The following SUGCT variants were observed in gnomAD, a reference collection of about 807,000 sequenced individuals.
SUGCT encodes succinyl-CoA:glutarate CoA-transferase.
In SUGCT, 41 loss-of-function variants were observed where a neutral mutation model predicts 55.0. The ratio of observed to expected loss-of-function variants is 0.74; its 90% confidence interval spans 0.58 to 0.97. The LOEUF is 0.97. Ranked by LOEUF, SUGCT falls within the 50% of genes least tolerant of loss-of-function variation. SUGCT has a pLI of 0.00. For missense variants in SUGCT, 568 were observed against 547.8 expected, an observed-to-expected ratio of 1.04 and a Z score of -0.37; for synonymous variants, 187 against 200.4, an observed-to-expected ratio of 0.93 and a Z score of 0.56.
At chr7:40,485,647 G>T (rs1419567065) in intron 11 of SUGCT, among the ~76,000 whole-genome samples, 1 of 151,784 alleles carries the variant, frequency 6.6e-6, no homozygotes. Context: ...AAACTCCTAA[G>T]CTCAAGGGAT....
chr7:40,854,030 CAAAT>C (rs919047397), intron 13 of SUGCT, among the ~76,000 whole-genome samples: 2 of 152,190 alleles, frequency 1.3e-5, no homozygotes, highest in Admixed American at 6.5e-5. Context: ...ATGTGCTACT[CAAAT>C]GAATGTTCTT....
intron 9 of SUGCT, among the ~76,000 whole-genome samples, chr7:40,355,441 T>C (rs1236456526): frequency 3.9e-5 from 6 of 152,244 alleles, no homozygotes; most frequent in Non-Finnish European, 7.3e-5. Flanking sequence ...ATTAACCATA[T>C]ATGCTCCTTA....
chr7:40,322,584 C>T (rs1172925267), intron 9 of SUGCT, among the ~76,000 whole-genome samples: 1 of 152,152 alleles, frequency 6.6e-6, no homozygotes, highest in Non-Finnish European at 1.5e-5. Flanking sequence ...ACCACAACTC[C>T]TTCAGCTATA....
intron 9 of SUGCT, among the ~76,000 whole-genome samples, chr7:40,358,717 A>AAACAACAAC (rs71560193): frequency 0.091 from 13,733 of 150,656 alleles, 700 homozygotes; most frequent in African/African-American, 0.15. Context: ...TCCATCTCAA[A>AAACAACAAC]AACAACAACA....
At chr7:40,194,580 G>C (rs547988584) in intron 5 of SUGCT, among the ~76,000 whole-genome samples, 71 of 152,308 alleles carry the variant, frequency 4.7e-4, no homozygotes, top group African/African-American at 1.6e-3. Context: ...TAGTTTTCTT[G>C]TAAAGGTTTA....
intron 13 of SUGCT, among the ~76,000 whole-genome samples, chr7:40,766,826 A>G (rs906129610): frequency 1.3e-5 from 2 of 152,202 alleles, no homozygotes; most frequent in Non-Finnish European, 2.9e-5. Context: ...TCCAAGTCAA[A>G]TACTTTAAGT....
intron 7 of SUGCT, among the ~76,000 whole-genome samples, chr7:40,270,416 C>T (rs542709100): frequency 6.6e-6 from 1 of 151,822 alleles, no homozygotes; most frequent in African/African-American, 2.4e-5. Flanking sequence ...ATTTTTGGTC[C>T]ATTTAGAGTC....
intron 12 of SUGCT, among the ~76,000 whole-genome samples, chr7:40,627,397 G>T (rs551252656): frequency 1.5e-3 from 228 of 152,278 alleles, no homozygotes; most frequent in Non-Finnish European, 2.7e-3. Flanking sequence ...CCCACAATCA[G>T]TCTGATTGGT....
intron 9 of SUGCT, among the ~76,000 whole-genome samples, chr7:40,439,068 A>ATATATATGTG (rs1788343658): frequency 8.7e-5 from 3 of 34,456 alleles, no homozygotes; most frequent in African/African-American, 4.0e-4. Context: ...TATGGTGTAT[A>ATATATATGTG]TATATATATA....
chr7:40,695,408 G>C (rs1049653630), intron 12 of SUGCT, among the ~76,000 whole-genome samples: 4 of 151,846 alleles, frequency 2.6e-5, no homozygotes, highest in Non-Finnish European at 5.9e-5. Flanking sequence ...ATGTTGCCCA[G>C]GCTGGTCTCG....
intron 13 of SUGCT, among the ~76,000 whole-genome samples, chr7:40,787,503 G>GAGATA (rs1790072186): frequency 6.6e-6 from 1 of 151,650 alleles, no homozygotes; most frequent in South Asian, 2.1e-4. Context: ...GTAGATATTG[G>GAGATA]AGATAAATGT....
At chr7:40,855,287 G>T (rs1388557788) in intron 13 of SUGCT, among the ~76,000 whole-genome samples, 3 of 149,412 alleles carry the variant, frequency 2.0e-5, no homozygotes, top group Admixed American at 6.7e-5. Context: ...AAAAAGAAAA[G>T]AAAAGAAAAG....
At chr7:40,143,227 G>T (rs972746615) in intron 1 of SUGCT, among the ~76,000 whole-genome samples, 3 of 152,168 alleles carry the variant, frequency 2.0e-5, no homozygotes, top group Non-Finnish European at 2.9e-5. Context: ...CCATACATCC[G>T]CTTAGGGATG....
intron 12 of SUGCT, among the ~76,000 whole-genome samples, chr7:40,670,057 C>T (rs1025354137): frequency 4.7e-5 from 7 of 150,108 alleles, no homozygotes; most frequent in African/African-American, 1.7e-4. Context: ...AGAAAAATAA[C>T]ACCTTTCCTA....
intron 12 of SUGCT, among the ~76,000 whole-genome samples, chr7:40,629,655 G>A (rs1001034734): frequency 6.6e-6 from 1 of 152,116 alleles, no homozygotes; most frequent in Non-Finnish European, 1.5e-5. Context: ...TTGAGAAGGG[G>A]CCAGGGAAAG....
Position 40,278,841 on chromosome 7 carries a change from T to TTTA in SUGCT, c.720+4185_720+4186insTTA, listed in dbSNP as rs1554300622. The stretch of plus-strand genomic sequence containing the variant: ...TCAGATCTTACATTTTTTTTTTTTT[T>TTTA]AAAGAGATACGGTCTCGTGCTTTTG... On this transcript the variant is annotated intron_variant, in intron 8 of 13. Transcript: ENST00000335693. 2.7e-5 allele frequency among the ~76,000 whole-genome samples: 4 copies of TTTA among 148,236 alleles called. No individual in the cohort carries two copies. In the East Asian group the frequency reaches 5.9e-4, roughly 22 times the overall value.
the SUGCT span, among the ~76,000 whole-genome samples, chr7:40,950,588 T>A: frequency 1.4e-3 from 211 of 152,300 alleles, no homozygotes; most frequent in African/African-American, 4.8e-3. Flanking sequence ...ACATTGGCTC[T>A]GGGTTTGTCA....
chr7:40,498,298 A>G (rs1033160714), intron 12 of SUGCT, among the ~76,000 whole-genome samples: 2 of 152,200 alleles, frequency 1.3e-5, no homozygotes, highest in Non-Finnish European at 2.9e-5. Context: ...CAACAAACTT[A>G]TGATATATCC....
At chr7:40,634,025 G>T (rs989615722) in intron 12 of SUGCT, among the ~76,000 whole-genome samples, 4 of 152,052 alleles carry the variant, frequency 2.6e-5, no homozygotes, top group African/African-American at 4.8e-5. Context: ...GAAATGAAAA[G>T]AATCACTCTT....
Sources: allele counts gnomAD v4.1 joint callset (sites outside exome capture counted in the v4.1 genomes callset), GRCh38; gene constraint gnomAD v4.1.1; transcripts MANE v1.5; gene names NCBI Gene and HGNC (gene_info 2026-07-23, HGNC 2026-07-21).